Variants in CDON observed in about 807,000 individuals in gnomAD.
CDON encodes cell adhesion molecule-related/down-regulated by oncogenes.
Under a neutral mutation model 120.9 loss-of-function variants are expected in CDON, and 73 were observed. The observed-to-expected ratio is 0.60, with a 90% CI of 0.50 to 0.73. CDON has a LOEUF of 0.73. CDON is among the 30% of genes least tolerant of loss of function. The probability of loss-of-function intolerance (pLI) is 0.00; values close to 1 mark genes in which losing one functional copy is unlikely to be tolerated. For missense variants in CDON, 1,470 were observed against 1,587.3 expected (o/e 0.93, Z 1.26); for synonymous variants, 566 against 573.5 (o/e 0.99, Z 0.19).
chr11:126,010,747 G>A (rs1286063108), intron 7 of CDON, 53 bp from the exon 8 acceptor site: 29 of 1,410,360 alleles, frequency 2.1e-5, no homozygotes, highest in Non-Finnish European at 2.6e-5. Context: ...TAGTACCTAC[G>A]ATGCAAAACA....
At chr11:126,039,477 C>T (rs1360035922) in intron 1 of CDON, among the ~76,000 whole-genome samples, 4 of 152,182 alleles carry the variant, frequency 2.6e-5, no homozygotes, top group African/African-American at 9.7e-5. Context: ...TTTTGGTTAG[C>T]TGCTTCTCAT....
At chr11:125,999,093 A>G (rs542370174) in intron 11 of CDON, among the ~76,000 whole-genome samples, 1 of 152,390 alleles carries the variant, frequency 6.6e-6, no homozygotes, top group East Asian at 1.9e-4. Context: ...AGAGGAATGT[A>G]TTCAAAGCAG....
At chr11:126,022,847 A>G (rs1276507136) in intron 2 of CDON, among the ~76,000 whole-genome samples, 1 of 152,230 alleles carries the variant, frequency 6.6e-6, no homozygotes, top group Non-Finnish European at 1.5e-5. Context: ...CAAGTCTAAA[A>G]TAAAAAGAAA....
intron 17 of CDON, among the ~76,000 whole-genome samples, chr11:125,980,168 T>G (rs1187997579): frequency 6.6e-6 from 1 of 152,194 alleles, no homozygotes; most frequent in Non-Finnish European, 1.5e-5. Flanking sequence ...TAGATGTGCA[T>G]CCAAACAATG....
At chr11:125,983,641 C>T (rs949605018) in intron 16 of CDON, among the ~76,000 whole-genome samples, 1 of 152,142 alleles carries the variant, frequency 6.6e-6, no homozygotes, top group African/African-American at 2.4e-5. Flanking sequence ...TAGAGACCTG[C>T]TTAGTTTTGG....
chr11:125,988,354 G>A (rs745914528), intron 15 of CDON, among the ~76,000 whole-genome samples: 9 of 152,136 alleles, frequency 5.9e-5, no homozygotes, highest in Non-Finnish European at 1.0e-4. Context: ...GGAACATGAC[G>A]AACAGGAAAG....
intron 5 of CDON, 96 bp from the exon 6 acceptor site, chr11:126,017,471 CT>C: frequency 1.7e-6 from 2 of 1,169,822 alleles, no homozygotes; most frequent in Non-Finnish European, 2.5e-6. Context: ...CCCATGTATT[CT>C]TTATACTACA....
chr11:125,967,902 G>A (rs1265442780), intron 18 of CDON, among the ~76,000 whole-genome samples: 1 of 151,974 alleles, frequency 6.6e-6, no homozygotes, highest in Non-Finnish European at 1.5e-5. Flanking sequence ...AATTTTTTTT[G>A]TAGAGAAGGG....
intron 1 of CDON, among the ~76,000 whole-genome samples, chr11:126,026,321 C>A (rs12291576): frequency 6.6e-6 from 1 of 152,176 alleles, no homozygotes; most frequent in Non-Finnish European, 1.5e-5. Flanking sequence ...ACTATGTCTG[C>A]GAATCCTGCC....
Position 126,023,387 on chromosome 11 carries a change from A to T in CDON, c.76+14T>A, listed in dbSNP as rs558624438. ...GTAAAGGCCAAACCACCCCCTCCCC[A>T]ATTCTACTCTTACCTGAACTCACAG... is the stretch of plus-strand genomic sequence containing the variant. On this transcript the variant is annotated intron_variant, in intron 2 of 19. Coordinates refer to ENST00000531738, the MANE Select transcript of CDON (RefSeq NM_001378964.1). 1.3e-6 allele frequency: 2 copies of T among 1,567,152 alleles called. No individual in the cohort carries two copies. The highest frequency in any genetic ancestry group is 2.2e-5 in the South Asian group (2 of 90,248).
intron 12 of CDON, among the ~76,000 whole-genome samples, chr11:125,995,782 C>T (rs1413631170): frequency 6.6e-6 from 1 of 152,238 alleles, no homozygotes; most frequent in Non-Finnish European, 1.5e-5. Flanking sequence ...ACATTTAAAA[C>T]TGATGCTTCT....
chr11:126,032,004 T>G (rs1947957485), intron 1 of CDON, among the ~76,000 whole-genome samples: 1 of 152,192 alleles, frequency 6.6e-6, no homozygotes, highest in Non-Finnish European at 1.5e-5. Flanking sequence ...ATTGACATGT[T>G]TTTCTATCTG....
chr11:126,029,052 C>A (rs551520169), intron 1 of CDON, among the ~76,000 whole-genome samples: 1 of 152,050 alleles, frequency 6.6e-6, no homozygotes. Flanking sequence ...CCCTCACAAC[C>A]AAAATTGGCA....
chr11:126,006,169 A>G, intron 8 of CDON, 112 bp from the exon 9 acceptor site: 1 of 960,564 alleles, frequency 1.0e-6, no homozygotes, highest in Non-Finnish European at 1.6e-6. Context: ...TTTGAGCCCC[A>G]GAAGTTAAAA....
At chr11:125,985,820 G>A (rs1268741203) in intron 15 of CDON, among the ~76,000 whole-genome samples, 1 of 151,638 alleles carries the variant, frequency 6.6e-6, no homozygotes, top group Non-Finnish European at 1.5e-5. Flanking sequence ...CAAACAACAG[G>A]TGCTGGAGAG....
chr11:126,043,013 A>C (rs188645513), intron 1 of CDON, among the ~76,000 whole-genome samples: 112 of 152,332 alleles, frequency 7.4e-4, no homozygotes, highest in African/African-American at 2.7e-3. Context: ...ACTAAATTGA[A>C]AGGAAAATCC....
chr11:125,962,080 G>A (rs1945662116), intron 18 of CDON, 82 bp from the exon 19 acceptor site: 7 of 1,096,146 alleles, frequency 6.4e-6, no homozygotes, highest in Middle Eastern at 2.5e-4. Context: ...AATATCATTT[G>A]GTATTCTGTA....
chr11:125,958,339 G>A lies in CDON; in HGVS notation c.*2603C>T, dbSNP rs1945540561. 6.6e-6 allele frequency: 1 copy of A among 152,070 alleles called. No homozygotes were observed. Among genetic ancestry groups the A allele is most frequent in the Non-Finnish European group, 1.5e-5 (1 of 68,020 alleles). 9.4% of individuals were successfully genotyped at this position (152,070 alleles called of 1,614,324 possible). On this transcript the variant is annotated 3_prime_UTR_variant, in exon 20 of 20. Transcript: ENST00000531738. ...ATGCCAACTTTGTAGATGAGTTGTG[G>A]GGGTTAAATGAGTTAACAGTAACAA...
rs547458970 is a variant in CDON, at chr11:126,061,824, T to C, written c.-62+755A>G. ...AAGCACCTGCCACCCTCTGTCGTCC[T>C]GATGAGGAAGGGCAGGCATTCTGGA... On this transcript the variant is annotated intron_variant, in intron 1 of 19. Transcript: ENST00000531738. 2.8e-3 allele frequency among the ~76,000 whole-genome samples: 423 copies of C among 152,296 alleles called. 1 individual carries two copies. Among genetic ancestry groups the C allele is most frequent in the Middle Eastern group, 0.014 (4 of 294 alleles).
Sources: gnomAD v4.1 joint callset for allele counts (sites outside exome capture counted in the v4.1 genomes callset) on GRCh38, gnomAD v4.1.1 for gene constraint, MANE v1.5 for transcripts, NCBI Gene and HGNC (gene_info 2026-07-23, HGNC 2026-07-21) for gene names.